Variants in FAM193A observed in about 807,000 individuals in gnomAD.
FAM193A encodes the protein family with sequence similarity 193 member A.
In FAM193A, 22 loss-of-function variants were observed where a neutral mutation model predicts 126.5. The observed-to-expected ratio is 0.17, with a 90% CI of 0.12 to 0.25. The LOEUF is 0.25. Ranked by LOEUF, FAM193A falls within the 10% of genes least tolerant of loss-of-function variation. The pLI is 1.00. For missense variants in FAM193A, 1,675 were observed against 1,672.8 expected, an observed-to-expected ratio of 1.00 and a Z score of -0.02; for synonymous variants, 761 against 646.8, an observed-to-expected ratio of 1.18 and a Z score of -2.68.
At chr4:2,536,261 C>T (rs1011429539), upstream of FAM193A, among the ~76,000 whole-genome samples, 1 of 151,610 alleles carries the variant, frequency 6.6e-6, no homozygotes, top group African/African-American at 2.4e-5. Context: ...GCGCGGCCTC[C>T]TGCCGGCCTA....
chr4:2,592,060 G>A (rs2108900020), intron 1 of FAM193A, among the ~76,000 whole-genome samples: 1 of 152,158 alleles, frequency 6.6e-6, no homozygotes, highest in South Asian at 2.1e-4. Context: ...TTTGGGGGAT[G>A]ATACTAGTAA....
intron 1 of FAM193A, among the ~76,000 whole-genome samples, chr4:2,541,714 G>C (rs1029713809): frequency 6.6e-6 from 1 of 152,132 alleles, no homozygotes; most frequent in Non-Finnish European, 1.5e-5. Flanking sequence ...AAAGTGCTGG[G>C]ATTACGGGTG....
intron 2 of FAM193A, among the ~76,000 whole-genome samples, chr4:2,612,724 C>A (rs932770301): frequency 2.0e-5 from 3 of 152,156 alleles, no homozygotes; most frequent in African/African-American, 4.8e-5. Flanking sequence ...TGTCAAAAAT[C>A]AGTTGGTTCT....
chr4:2,679,257 G>GTCC (rs1223015567), intron 13 of FAM193A, among the ~76,000 whole-genome samples: 7 of 151,976 alleles, frequency 4.6e-5, no homozygotes, highest in South Asian at 2.1e-4. Flanking sequence ...CTGGGAATGA[G>GTCC]TCCCACTTGG....
In FAM193A at chr4:2,565,364, A is replaced by C. The variant is rs530250458; in HGVS notation, c.255+28194A>C. On this transcript the variant is annotated intron_variant, in intron 1 of 20. Transcript: ENST00000637812. ...ATCCTCTGCCTCCCAGGTTCAAGCA[A>C]TTCTCCTGCTTCAGCCTCCGGAGTA... is the stretch of plus-strand genomic sequence containing the variant. Among the ~76,000 whole-genome samples, 13 of 147,438 alleles carry C rather than the reference A, an allele frequency of 8.8e-5. No homozygotes were observed. The South Asian group carries it at 2.7e-3, about 31-fold the overall frequency.
chr4:2,539,507 A>G (rs1737093549), intron 1 of FAM193A, among the ~76,000 whole-genome samples: 1 of 151,932 alleles, frequency 6.6e-6, no homozygotes, highest in Non-Finnish European at 1.5e-5. Context: ...TGTAACCTCC[A>G]ATTTCTGGGC....
At chr4:2,604,604 G>A (rs1741417068) in intron 2 of FAM193A, among the ~76,000 whole-genome samples, 1 of 152,034 alleles carries the variant, frequency 6.6e-6, no homozygotes, top group Non-Finnish European at 1.5e-5. Context: ...CCTTTCTCCT[G>A]AAGGGCGTTG....
At chr4:2,728,895 ACT>A (rs1721059266) in intron 20 of FAM193A, among the ~76,000 whole-genome samples, 2 of 105,710 alleles carry the variant, frequency 1.9e-5, no homozygotes, top group Admixed American at 2.0e-4. Context: ...CACCTCCAAA[ACT>A]TTTTTTTTTT....
chr4:2,628,884 G>C (rs1326125259), intron 4 of FAM193A, among the ~76,000 whole-genome samples: 2 of 143,632 alleles, frequency 1.4e-5, no homozygotes, highest in African/African-American at 5.2e-5. Context: ...ACGGAGTCTC[G>C]CTCTGTCACC....
At chr4:2,714,917 G>A (rs1294007062) in intron 19 of FAM193A, among the ~76,000 whole-genome samples, 1 of 143,354 alleles carries the variant, frequency 7.0e-6, no homozygotes, top group Non-Finnish European at 1.5e-5. Flanking sequence ...CCCCAACCCC[G>A]CCCCAGCCCA....
intron 18 of FAM193A, 22 bp downstream of exon 18, chr4:2,696,615 C>T: frequency 6.3e-7 from 1 of 1,588,180 alleles, no homozygotes; most frequent in Admixed American, 1.7e-5. Flanking sequence ...TTCTCAGCAC[C>T]TGGAGGCGCC....
At chr4:2,611,053 A>G (rs1226468667) in intron 2 of FAM193A, among the ~76,000 whole-genome samples, 1 of 151,768 alleles carries the variant, frequency 6.6e-6, no homozygotes, top group African/African-American at 2.4e-5. Flanking sequence ...CAGTCTTTTA[A>G]GTGGATGCAA....
At chr4:2,568,067 G>A (rs1739073724) in intron 1 of FAM193A, among the ~76,000 whole-genome samples, 1 of 152,188 alleles carries the variant, frequency 6.6e-6, no homozygotes, top group South Asian at 2.1e-4. Flanking sequence ...ATCCTTCAGA[G>A]CTGGCTTGAT....
At chr4:2,599,488 T>A (rs923969193) in intron 2 of FAM193A, among the ~76,000 whole-genome samples, 1 of 152,180 alleles carries the variant, frequency 6.6e-6, no homozygotes, top group African/African-American at 2.4e-5. Flanking sequence ...TGGGGCTGAA[T>A]TGCTGTCTTC....
chr4:2,718,146 G>A (rs1464454559), intron 20 of FAM193A, among the ~76,000 whole-genome samples: 1 of 151,786 alleles, frequency 6.6e-6, no homozygotes, highest in African/African-American at 2.4e-5. Context: ...AAGAACAATA[G>A]AATAAACCAA....
chr4:2,721,041 C>T (rs567945151), intron 20 of FAM193A, among the ~76,000 whole-genome samples: 3 of 151,894 alleles, frequency 2.0e-5, no homozygotes, highest in African/African-American at 7.3e-5. Context: ...GGGCCGGGCG[C>T]GGTGGTTCAT....
At chr4:2,595,268 CA>C (rs913097376) in intron 1 of FAM193A, among the ~76,000 whole-genome samples, 11 of 152,216 alleles carry the variant, frequency 7.2e-5, no homozygotes, top group African/African-American at 2.7e-4. Context: ...AGGCTGGTCT[CA>C]AACCTCTGAG....
chr4:2,678,100 C>T (rs1434354790), intron 13 of FAM193A, among the ~76,000 whole-genome samples: 3 of 151,868 alleles, frequency 2.0e-5, no homozygotes, highest in South Asian at 2.1e-4. Flanking sequence ...TGGTTTCAAA[C>T]GATTCTCCTG....
At chr4:2,699,358 T>C (rs1717403349) in intron 18 of FAM193A, among the ~76,000 whole-genome samples, 1 of 151,640 alleles carries the variant, frequency 6.6e-6, no homozygotes, top group Admixed American at 6.6e-5. Flanking sequence ...CCTGGATGTG[T>C]GCTTTGCAGC....
Sources: allele counts gnomAD v4.1 joint callset (sites outside exome capture counted in the v4.1 genomes callset), GRCh38; gene constraint gnomAD v4.1.1; transcripts MANE v1.5; gene names NCBI Gene and HGNC (gene_info 2026-07-23, HGNC 2026-07-21).